Variants in QRSL1 observed in about 807,000 individuals in gnomAD.
The protein encoded by QRSL1 is glutamyl-tRNA(Gln) amidotransferase subunit A, mitochondrial.
In QRSL1, 54 loss-of-function variants were observed where a neutral mutation model predicts 61.6. The ratio of observed to expected loss-of-function variants is 0.88; its 90% confidence interval spans 0.70 to 1.10. The LOEUF is 1.10. Among genes scored for constraint, QRSL1 ranks in the 50% least tolerant of loss-of-function variants. The probability of loss-of-function intolerance (pLI) is 0.00; values close to 1 mark genes in which losing one functional copy is unlikely to be tolerated. For synonymous variants in QRSL1, 228 were observed against 225.7 expected (o/e 1.01, Z -0.09); for missense variants, 505 against 622.6 (o/e 0.81, Z 2.01).
At chr6:106,642,025 G>T (rs1038158776) in intron 3 of QRSL1, among the ~76,000 whole-genome samples, 1 of 152,142 alleles carries the variant, frequency 6.6e-6, no homozygotes, top group Non-Finnish European at 1.5e-5. Context: ...TTGCTTAATT[G>T]CAGTTTAGAC....
chr6:106,629,591 G>C lies in QRSL1; in HGVS notation c.-91G>C. ...GTTGAAGGGCTCAGTGACAATTAAA[G>C]ATGGCTGCGCCCATGTAACATCACT... is the stretch of plus-strand genomic sequence containing the variant. On this transcript the variant is annotated 5_prime_UTR_variant, in exon 1 of 11. Coordinates refer to ENST00000369046, the MANE Select transcript of QRSL1 (RefSeq NM_018292.5). 6.7e-7 allele frequency: 1 copy of C among 1,491,766 alleles called. No individual in the cohort carries two copies. Among genetic ancestry groups the C allele is most frequent in the Non-Finnish European group, 9.1e-7 (1 of 1,100,282 alleles). 92.4% of individuals were successfully genotyped at this position (1,491,766 alleles called of 1,614,324 possible).
intron 1 of QRSL1, 123 bp downstream of exon 1, chr6:106,629,828 G>C: frequency 8.3e-7 from 1 of 1,203,790 alleles, no homozygotes; most frequent in Non-Finnish European, 1.2e-6. Flanking sequence ...CTAGAACTGA[G>C]TGGGGGATAA....
chr6:106,656,419 C>G (rs1777272085), intron 9 of QRSL1, among the ~76,000 whole-genome samples: 2 of 152,182 alleles, frequency 1.3e-5, no homozygotes, highest in Non-Finnish European at 1.5e-5. Flanking sequence ...TGTCTTTACT[C>G]TAAAAAAGAA....
chr6:106,646,130 G>T (rs1777102580), intron 4 of QRSL1, among the ~76,000 whole-genome samples: 1 of 152,190 alleles, frequency 6.6e-6, no homozygotes, highest in Non-Finnish European at 1.5e-5. Context: ...AGAAACAAGA[G>T]TCCTTGCGTG....
chr6:106,641,064 A>G, intron 3 of QRSL1, 143 bp downstream of exon 3: 1 of 650,164 alleles, frequency 1.5e-6, no homozygotes, highest in Non-Finnish European at 2.4e-6. Context: ...TTTTTTTACT[A>G]TTTGCTCTTT....
intron 9 of QRSL1, among the ~76,000 whole-genome samples, chr6:106,658,965 TC>T: frequency 6.6e-6 from 1 of 151,268 alleles, no homozygotes; most frequent in Non-Finnish European, 1.5e-5. Flanking sequence ...TCTTTTTTTT[TC>T]CCCCAGTCTT....
chr6:106,659,425 A>G (rs1234015377), intron 9 of QRSL1, among the ~76,000 whole-genome samples: 1 of 151,826 alleles, frequency 6.6e-6, no homozygotes, highest in Non-Finnish European at 1.5e-5. Context: ...AGATTGTGCC[A>G]CTGCACCCCA....
rs534992855 is a variant in QRSL1 at position 106,653,006 on chromosome 6, C to T, written c.849+424C>T. Reference sequence around the variant, plus strand: ...AACCAGCTGGCTTGTCACATCTGGCCTATGGGCCATAGTTTGCCCATCCCT... The same window carrying T: ...AACCAGCTGGCTTGTCACATCTGGCTTATGGGCCATAGTTTGCCCATCCCT... On this transcript the variant is annotated intron_variant, in intron 7 of 10. Transcript: ENST00000369046. 38 of 344,098 alleles carry T rather than the reference C, an allele frequency of 1.1e-4. No individual in the cohort carries two copies. In the East Asian group the frequency reaches 1.5e-3, roughly 14 times the overall value. 21.3% of individuals were successfully genotyped at this position (344,098 alleles called of 1,614,324 possible).
Position 106,630,728 on chromosome 6 carries a change from C to T in QRSL1, c.24+1023C>T, listed in dbSNP as rs117066180. Among the ~76,000 whole-genome samples, 485 of 152,244 alleles carry T rather than the reference C, an allele frequency of 3.2e-3. 1 individual carries two copies. The highest frequency in any genetic ancestry group is 5.4e-3 in the Non-Finnish European group (370 of 68,010). On this transcript the variant is annotated intron_variant, in intron 1 of 10. Coordinates refer to ENST00000369046, the MANE Select transcript of QRSL1 (RefSeq NM_018292.5). ...CTGGTAAGAAGTAGGCGCTGATGAC[C>T]TAAACTGCCTTCCATCTTCCTTTTT...
intron 9 of QRSL1, among the ~76,000 whole-genome samples, chr6:106,659,491 G>A (rs553771951): frequency 6.6e-6 from 1 of 151,484 alleles, no homozygotes; most frequent in African/African-American, 2.4e-5. Flanking sequence ...CATATTTATA[G>A]TAACTGTTTT....
At chr6:106,641,654 G>A (rs1051719552) in intron 3 of QRSL1, among the ~76,000 whole-genome samples, 1 of 152,148 alleles carries the variant, frequency 6.6e-6, no homozygotes, top group Non-Finnish European at 1.5e-5. Context: ...TATGCAGACT[G>A]TTGTTAATTA....
chr6:106,629,618 G>C lies in QRSL1; in HGVS notation c.-64G>C. The C allele has an allele frequency of 6.4e-7, 1 of 1,558,550 alleles. No individual in the cohort carries two copies. Among genetic ancestry groups the C allele is most frequent in the Admixed American group, 1.9e-5 (1 of 51,872 alleles). On this transcript the variant is annotated 5_prime_UTR_variant, in exon 1 of 11. Coordinates refer to ENST00000369046, the MANE Select transcript of QRSL1 (RefSeq NM_018292.5). The stretch of plus-strand genomic sequence containing the variant: ...TGGCTGCGCCCATGTAACATCACTA[G>C]CGACCGGTGACCTCTTTTTCCCCCT...
At chr6:106,647,770 C>T (rs915434057) in intron 4 of QRSL1, among the ~76,000 whole-genome samples, 1 of 144,350 alleles carries the variant, frequency 6.9e-6, no homozygotes, top group Admixed American at 6.9e-5. Flanking sequence ...TCTGCCTCAG[C>T]CTCCCGAGTA....
chr6:106,648,991 T>C, intron 4 of QRSL1, 34 bp from the exon 5 acceptor site: 1 of 1,565,292 alleles, frequency 6.4e-7, no homozygotes, highest in Non-Finnish European at 8.7e-7. Context: ...AAATGAAAGT[T>C]TTACTAAGGT....
intron 8 of QRSL1, among the ~76,000 whole-genome samples, chr6:106,655,298 A>T (rs914961578): frequency 1.3e-5 from 2 of 152,090 alleles, no homozygotes; most frequent in African/African-American, 4.8e-5. Context: ...CAAAAGGCAG[A>T]TGGGGAAAAG....
At position 106,663,750 on chromosome 6, in the gene QRSL1, G is replaced by A. The variant is rs140911230; in HGVS notation, c.1366+565G>A. Among the ~76,000 whole-genome samples the A allele has an allele frequency of 1.6e-3, 240 of 152,010 alleles. 1 individual carries two copies. The highest frequency in any genetic ancestry group is 3.1e-3 in the Non-Finnish European group (210 of 67,982). On this transcript the variant is annotated intron_variant, in intron 10 of 10. Coordinates refer to ENST00000369046, the MANE Select transcript of QRSL1 (RefSeq NM_018292.5). ...GGGGAGACAGATCCAAACCATATCCGTACACTTGCATGCACTCTCACCACA... is the reference window on the plus strand; with the variant it reads ...GGGGAGACAGATCCAAACCATATCCATACACTTGCATGCACTCTCACCACA...
chr6:106,644,624 G>A (rs532235149), intron 4 of QRSL1, among the ~76,000 whole-genome samples: 2 of 152,202 alleles, frequency 1.3e-5, no homozygotes, highest in East Asian at 1.9e-4. Flanking sequence ...AGGTTCAAGC[G>A]ATTCTCCTGC....
rs753627958 is a variant in QRSL1 at position 106,663,210 on chromosome 6, G to T, written c.1366+25G>T. 20 of 1,605,672 alleles carry T rather than the reference G, an allele frequency of 1.2e-5. No individual in the cohort carries two copies. In the South Asian group the frequency reaches 1.9e-4, roughly 15 times the overall value. ...GGTGAGGATTCCTCAGGAACATTCT[G>T]ATTTTCTTCAAATTCTTAGGCAGGT... On this transcript the variant is annotated intron_variant, in intron 10 of 10. Coordinates refer to ENST00000369046, the MANE Select transcript of QRSL1 (RefSeq NM_018292.5).
In QRSL1 at chr6:106,655,568, T is replaced by C. The variant is rs200326750; in HGVS notation, c.1043-47T>C. The C allele has an allele frequency of 2.4e-6, 3 of 1,262,430 alleles. No individual in the cohort carries two copies. The East Asian group carries it at 7.3e-5, about 31-fold the overall frequency. The allele number at this position is 1,262,430 out of a possible 1,614,324, so 78.2% of individuals were successfully genotyped here. A position where few individuals can be genotyped will look rare whatever the true frequency, so the allele number is the denominator to read the frequency against. On this transcript the variant is annotated intron_variant, in intron 8 of 10. Coordinates refer to ENST00000369046, the MANE Select transcript of QRSL1 (RefSeq NM_018292.5). ...GGCCTGATTTTAGCCAAAACTTTAC[T>C]GACTTTACTTCCTTTCAAGTAATGT...
Sources: allele counts gnomAD v4.1 joint callset (sites outside exome capture counted in the v4.1 genomes callset), GRCh38; gene constraint gnomAD v4.1.1; transcripts MANE v1.5; gene names NCBI Gene and HGNC (gene_info 2026-07-23, HGNC 2026-07-21).